Variants in KLHL1 observed in about 807,000 individuals in gnomAD.
KLHL1 encodes kelch-like protein 1.
A neutral mutation model predicts 77.7 loss-of-function variants in KLHL1; 47 were observed. The ratio of observed to expected loss-of-function variants is 0.60; its 90% CI spans 0.48 to 0.77. KLHL1 has a LOEUF of 0.77. KLHL1 is among the 30% of genes least tolerant of loss of function. KLHL1 has a pLI of 0.00. For missense variants in KLHL1, 925 were observed against 910.8 expected, an observed-to-expected ratio of 1.02 and a Z score of -0.20; for synonymous variants, 360 against 325.2, an observed-to-expected ratio of 1.11 and a Z score of -1.15.
intron 6 of KLHL1, among the ~76,000 whole-genome samples, chr13:69,832,796 A>G (rs1227577405): frequency 1.3e-5 from 2 of 152,156 alleles, no homozygotes; most frequent in Non-Finnish European, 2.9e-5. Context: ...ACCCAGCAAG[A>G]GAGCCAAATA....
chr13:69,716,495 T>G (rs185108315), intron 9 of KLHL1, among the ~76,000 whole-genome samples: 9 of 152,270 alleles, frequency 5.9e-5, no homozygotes, highest in South Asian at 2.1e-4. Flanking sequence ...TGGTCAAATT[T>G]GCAATATGAA....
chr13:69,949,128 G>A (rs149517760), intron 3 of KLHL1, among the ~76,000 whole-genome samples: 31 of 151,782 alleles, frequency 2.0e-4, no homozygotes, highest in African/African-American at 3.4e-4. Context: ...TATGATATAC[G>A]TGTTATATTA....
intron 1 of KLHL1, among the ~76,000 whole-genome samples, chr13:70,046,296 A>T (rs1886494196): frequency 1.3e-5 from 2 of 152,184 alleles, no homozygotes; most frequent in Non-Finnish European, 2.9e-5. Flanking sequence ...GGGATGGCAT[A>T]AATTACTGAT....
intron 7 of KLHL1, among the ~76,000 whole-genome samples, chr13:69,782,939 G>T (rs1876306615): frequency 6.6e-6 from 1 of 152,146 alleles, no homozygotes; most frequent in Admixed American, 6.5e-5. Flanking sequence ...ACCTCACATG[G>T]CCGGGTACTC....
intron 4 of KLHL1, among the ~76,000 whole-genome samples, chr13:69,928,028 G>A (rs1166690444): frequency 1.3e-5 from 2 of 152,178 alleles, no homozygotes; most frequent in Non-Finnish European, 2.9e-5. Context: ...TTTGGGCCAT[G>A]TCCTTGTGGT....
intron 1 of KLHL1, among the ~76,000 whole-genome samples, chr13:70,096,444 A>T (rs1297859840): frequency 6.6e-6 from 1 of 152,018 alleles, no homozygotes; most frequent in African/African-American, 2.4e-5. Flanking sequence ...CTGATGATTA[A>T]TGATGGTGAG....
intron 6 of KLHL1, among the ~76,000 whole-genome samples, chr13:69,838,473 ATAAT>A (rs1566309991): frequency 6.6e-6 from 1 of 151,854 alleles, no homozygotes; most frequent in African/African-American, 2.4e-5. Context: ...TTTTAAACAA[ATAAT>A]TTATTTTCTT....
At chr13:70,009,306 T>C (rs890736012) in intron 1 of KLHL1, among the ~76,000 whole-genome samples, 3 of 152,096 alleles carry the variant, frequency 2.0e-5, no homozygotes, top group Non-Finnish European at 4.4e-5. Flanking sequence ...GCTGATGTCA[T>C]TCAAAGCTTC....
At chr13:70,010,188 T>G in intron 1 of KLHL1, among the ~76,000 whole-genome samples, 1 of 152,076 alleles carries the variant, frequency 6.6e-6, no homozygotes, top group Non-Finnish European at 1.5e-5. Flanking sequence ...AGGTAAGAAT[T>G]TGAGATTTTA....
At chr13:70,039,754 C>A (rs1165079398) in intron 1 of KLHL1, among the ~76,000 whole-genome samples, 1 of 151,230 alleles carries the variant, frequency 6.6e-6, no homozygotes, top group Non-Finnish European at 1.5e-5. Context: ...ATTCTCAAGC[C>A]TCAGCCTCCT....
intron 7 of KLHL1, among the ~76,000 whole-genome samples, chr13:69,789,234 G>C (rs1397271995): frequency 6.6e-6 from 1 of 151,736 alleles, no homozygotes; most frequent in Non-Finnish European, 1.5e-5. Flanking sequence ...TTGAATTTCA[G>C]AATTTTTTTA....
intron 4 of KLHL1, among the ~76,000 whole-genome samples, chr13:69,893,438 G>A (rs1881507443): frequency 6.6e-6 from 1 of 151,882 alleles, no homozygotes; most frequent in Non-Finnish European, 1.5e-5. Context: ...GTTTCACCTT[G>A]TTAGCCAGGA....
intron 7 of KLHL1, among the ~76,000 whole-genome samples, chr13:69,759,833 T>C (rs955019711): frequency 2.6e-5 from 4 of 152,110 alleles, no homozygotes; most frequent in African/African-American, 7.2e-5. Context: ...AAAAAGACCA[T>C]AGGCAAAGGC....
intron 7 of KLHL1, among the ~76,000 whole-genome samples, chr13:69,743,628 A>C (rs1340108048): frequency 6.6e-6 from 1 of 152,090 alleles, no homozygotes; most frequent in Non-Finnish European, 1.5e-5. Context: ...TCTACTAAAA[A>C]TACAAAAATT....
intron 5 of KLHL1, among the ~76,000 whole-genome samples, chr13:69,880,994 T>A (rs753465097): frequency 6.6e-6 from 1 of 152,162 alleles, no homozygotes; most frequent in Non-Finnish European, 1.5e-5. Context: ...CAAACTCTAA[T>A]AGATACTACC....
chr13:69,841,030 C>T (rs1207233139), intron 5 of KLHL1, among the ~76,000 whole-genome samples: 1 of 151,806 alleles, frequency 6.6e-6, no homozygotes, highest in Admixed American at 6.6e-5. Flanking sequence ...CTCCTTTTCA[C>T]TCCTTTTGGG....
intron 1 of KLHL1, among the ~76,000 whole-genome samples, chr13:70,013,192 A>C (rs1037881671): frequency 1.3e-5 from 2 of 152,198 alleles, no homozygotes; most frequent in Non-Finnish European, 2.9e-5. Context: ...AAACAAGCAA[A>C]GAATCACAAA....
In KLHL1 at chr13:69,788,203, C is replaced by T. The variant is rs533417269; in HGVS notation, c.1639+8535G>A. ...TATAAATCATGCTGCTATAAAGATA[C>T]ATGCACACATATGTTTATTGTGGCA... On this transcript the variant is annotated intron_variant, in intron 7 of 10. Transcript: ENST00000377844. Among the ~76,000 whole-genome samples the T allele has an allele frequency of 3.3e-5, 5 of 152,320 alleles. No individual in the cohort carries two copies. The South Asian group carries it at 8.3e-4, about 25-fold the overall frequency.
intron 4 of KLHL1, among the ~76,000 whole-genome samples, chr13:69,939,112 G>T (rs2875575): frequency 6.6e-6 from 1 of 150,776 alleles, no homozygotes; most frequent in Non-Finnish European, 1.5e-5. Context: ...GATACAGGGC[G>T]TCTATGCCAG....
Sources: gnomAD v4.1 joint callset for allele counts (sites outside exome capture counted in the v4.1 genomes callset) on GRCh38, gnomAD v4.1.1 for gene constraint, MANE v1.5 for transcripts, NCBI Gene and HGNC (gene_info 2026-07-23, HGNC 2026-07-21) for gene names.